Variants in ZNF420 observed in about 807,000 individuals in gnomAD.
ZNF420 encodes zinc finger protein 420.
Under a neutral mutation model 44.7 loss-of-function variants are expected in ZNF420, and 31 were observed. The ratio of observed to expected loss-of-function variants is 0.69; its 90% CI spans 0.52 to 0.94. ZNF420 has a LOEUF of 0.94. Among genes scored for constraint, ZNF420 ranks in the 40% least tolerant of loss-of-function variants. The pLI, the probability that ZNF420 is intolerant of heterozygous loss-of-function variation, is 0.00. For missense variants in ZNF420, 681 were observed against 827.9 expected, an observed-to-expected ratio of 0.82 and a Z score of 2.18; for synonymous variants, 245 against 267.4, an observed-to-expected ratio of 0.92 and a Z score of 0.82.
intron 2 of ZNF420, among the ~76,000 whole-genome samples, chr19:37,083,573 A>C (rs1162698392): frequency 6.6e-6 from 1 of 152,212 alleles, no homozygotes; most frequent in Non-Finnish European, 1.5e-5. Context: ...AACTGTTCTT[A>C]TTAATGCTCA....
intron 1 of ZNF420, among the ~76,000 whole-genome samples, chr19:37,033,945 C>T (rs553948427): frequency 3.9e-5 from 6 of 152,116 alleles, no homozygotes; most frequent in Admixed American, 6.5e-5. Flanking sequence ...TTGGTAGAGA[C>T]GGTGTTTCAC....
chr19:37,098,721 A>C (rs1337427300), intron 4 of ZNF420, among the ~76,000 whole-genome samples: 1 of 152,218 alleles, frequency 6.6e-6, no homozygotes, highest in African/African-American at 2.4e-5. Context: ...TCTTCTAGCT[A>C]TCTGCAGGCA....
At chr19:37,060,496 C>T (rs572524191) in intron 1 of ZNF420, among the ~76,000 whole-genome samples, 1 of 152,250 alleles carries the variant, frequency 6.6e-6, no homozygotes, top group East Asian at 1.9e-4. Context: ...TTCTGAGGGG[C>T]CTAGATGCTT....
At chr19:37,037,332 C>T (rs557175248) in intron 1 of ZNF420, among the ~76,000 whole-genome samples, 29 of 152,330 alleles carry the variant, frequency 1.9e-4, no homozygotes, top group African/African-American at 6.3e-4. Context: ...CAGGGGTCCT[C>T]TTGCCGAGAT....
intron 2 of ZNF420, among the ~76,000 whole-genome samples, chr19:37,084,002 G>GA (rs1968619334): frequency 6.6e-6 from 1 of 151,954 alleles, no homozygotes; most frequent in African/African-American, 2.4e-5. Flanking sequence ...TTTATAATCT[G>GA]AAAAAATCTT....
Position 37,130,070 on chromosome 19 carries a change from T to C in ZNF420, c.*1012T>C. 1.3e-6 allele frequency: 2 copies of C among 1,550,058 alleles called. No homozygotes were observed. Among genetic ancestry groups the C allele is most frequent in the South Asian group, 1.2e-5 (1 of 83,966 alleles). On this transcript the variant is annotated 3_prime_UTR_variant, in exon 5 of 5. Coordinates refer to ENST00000337995, the MANE Select transcript of ZNF420 (RefSeq NM_144689.5). ...GCAGGTCAACAAGATAGAAGTGATATTTATATGAGTAGGAGATTTACGAAA... is the reference window on the plus strand; with the variant it reads ...GCAGGTCAACAAGATAGAAGTGATACTTATATGAGTAGGAGATTTACGAAA...
Position 37,127,880 on chromosome 19 carries a change from C to T in ZNF420, c.889C>T (p.His297Tyr). 1 of 1,614,010 alleles carries T rather than the reference C, an allele frequency of 6.2e-7. No homozygotes were observed. The highest frequency in any genetic ancestry group is 8.5e-7 in the Non-Finnish European group (1 of 1,179,956). The change falls in exon 5 of 5, where the codon CAT becomes TAT. Residue 297 changes from histidine to tyrosine, a missense_variant. His to Tyr is a moderately conservative substitution (Grantham distance 83, BLOSUM62 2). This residue lies in a region of ZNF420 where 350 missense variants were observed against 382.5 expected (regional missense o/e 0.92). Coordinates refer to ENST00000337995, the MANE Select transcript of ZNF420 (RefSeq NM_144689.5). ...TACTCAGCTCTCACAACTTATTCTG[C>T]ATAAGAGAATTCATACCGGTGAGAA... ...VFTQLSQLIL[H>Y]KRIHTGEKPY...
chr19:37,087,121 CA>C (rs1487728393), intron 2 of ZNF420, among the ~76,000 whole-genome samples: 1 of 151,296 alleles, frequency 6.6e-6, no homozygotes, highest in East Asian at 1.9e-4. Context: ...CTCATCCCAA[CA>C]AAAAAAGTAA....
intron 4 of ZNF420, among the ~76,000 whole-genome samples, chr19:37,108,786 G>A (rs1970232815): frequency 6.6e-6 from 1 of 152,158 alleles, no homozygotes. Flanking sequence ...TCAACAGTTG[G>A]ACTCACTTGT....
chr19:37,130,154 G>A lies in ZNF420; in HGVS notation c.*1096G>A, dbSNP rs754352124. 116 of 1,550,214 alleles carry A rather than the reference G, an allele frequency of 7.5e-5. No homozygotes were observed. The highest frequency in any genetic ancestry group is 9.8e-5 in the Non-Finnish European group (112 of 1,146,924). On this transcript the variant is annotated 3_prime_UTR_variant, in exon 5 of 5. Transcript: ENST00000337995. ...ATGTGGACATCTAAGCTGGAGCTCC[G>A]TTACTCTCATGGGGACTTTGAGAAT...
chr19:37,080,420 CT>C (rs1173806583), intron 2 of ZNF420, 32 bp downstream of exon 2: 1 of 152,526 alleles, frequency 6.6e-6, no homozygotes, highest in African/African-American at 2.4e-5. Context: ...CCTGAAATAC[CT>C]TTGTTATTAC....
Position 37,127,206 on chromosome 19 carries a change from T to C in ZNF420, c.215T>C (p.Met72Thr). The change falls in exon 5 of 5, where the codon ATG (methionine) becomes ACG (threonine). Residue 72 changes from methionine to threonine, a missense_variant. Physicochemically the swap from Met to Thr is moderately conservative, Grantham distance 81. Around this residue, in one of 3 missense-constraint regions of ZNF420, gnomAD observed 350 missense variants for 382.5 expected, o/e 0.92. Coordinates refer to ENST00000337995, the MANE Select transcript of ZNF420 (RefSeq NM_144689.5). ...TYETELSQWE[M>T]SDRLENCDLE... ...GAAACAGAATTATCCCAATGGGAAATGAGTGACAGACTTGAAAACTGTGAT... is the reference window on the plus strand; with the variant it reads ...GAAACAGAATTATCCCAATGGGAAACGAGTGACAGACTTGAAAACTGTGAT... The C allele has an allele frequency of 5.6e-6, 9 of 1,602,236 alleles. No individual in the cohort carries two copies. The highest frequency in any genetic ancestry group is 7.7e-6 in the Non-Finnish European group (9 of 1,174,334).
chr19:37,089,123 CTCG>C lies in ZNF420; in HGVS notation c.6_8del (p.Arg3del). ...TTTCTTGCAGCTCTAAAAACCATGG[CTCG>C]GGTAAATTGGAGTTTCCTTGTGCTC... is the stretch of plus-strand genomic sequence containing the variant. On this transcript the variant is annotated inframe_deletion and splice_region_variant, in exon 3 of 5. Transcript: ENST00000337995. 6.2e-7 allele frequency: 1 copy of C among 1,613,332 alleles called. No individual in the cohort carries two copies. Among genetic ancestry groups the C allele is most frequent in the Non-Finnish European group, 8.5e-7 (1 of 1,179,298 alleles).
At chr19:37,030,201 G>A (rs1033490452) in intron 1 of ZNF420, among the ~76,000 whole-genome samples, 5 of 151,912 alleles carry the variant, frequency 3.3e-5, no homozygotes, top group African/African-American at 4.8e-5. Flanking sequence ...TCGCTCTGTC[G>A]CCCAGGCTGG....
At chr19:37,100,925 CTTTAA>C (rs1325425458) in intron 4 of ZNF420, among the ~76,000 whole-genome samples, 2 of 150,466 alleles carry the variant, frequency 1.3e-5, no homozygotes, top group African/African-American at 4.9e-5. Context: ...TTAGTTTCCT[CTTTAA>C]TTTCTTTTGT....
rs2145370445 is a variant in ZNF420 at position 37,129,584 on chromosome 19, G to T, written c.*526G>T. On this transcript the variant is annotated 3_prime_UTR_variant, in exon 5 of 5. Coordinates refer to ENST00000337995, the MANE Select transcript of ZNF420 (RefSeq NM_144689.5). ...AGTACTTATGAGTATAATGAATATT[G>T]AGAAATCTTTTATCAACACATCCAA... 6.3e-6 allele frequency: 1 copy of T among 158,324 alleles called. No homozygotes were observed. Among genetic ancestry groups the T allele is most frequent in the East Asian group, 1.9e-4 (1 of 5,316 alleles). 9.8% of individuals were successfully genotyped at this position (158,324 alleles called of 1,614,324 possible).
intron 4 of ZNF420, among the ~76,000 whole-genome samples, chr19:37,115,408 G>A (rs1406090251): frequency 6.6e-6 from 1 of 152,076 alleles, no homozygotes; most frequent in African/African-American, 2.4e-5. Flanking sequence ...TTGGAGAGGG[G>A]GATGTGGCAG....
intron 4 of ZNF420, among the ~76,000 whole-genome samples, chr19:37,104,044 A>G (rs1004567991): frequency 6.8e-6 from 1 of 148,138 alleles, no homozygotes; most frequent in African/African-American, 2.5e-5. Context: ...GGTTTGTTAC[A>G]TATGTATACA....
At chr19:37,064,429 T>C (rs998872748) in intron 1 of ZNF420, among the ~76,000 whole-genome samples, 10 of 152,298 alleles carry the variant, frequency 6.6e-5, no homozygotes, top group Middle Eastern at 3.4e-3. Context: ...TTGCGGCCTT[T>C]AACAGGTTCC....
Sources: gnomAD v4.1 joint callset for allele counts (sites outside exome capture counted in the v4.1 genomes callset) on GRCh38, gnomAD v4.1.1 for gene constraint, gnomAD v4.1.1 regional missense constraint, MANE v1.5 for transcripts, NCBI Gene and HGNC (gene_info 2026-07-23, HGNC 2026-07-21) for gene names.